Variants in ARHGAP26 observed in about 807,000 individuals in gnomAD.
ARHGAP26 encodes rho GTPase-activating protein 26.
ARHGAP26 carries 38 observed loss-of-function variants against 104.8 expected under a neutral mutation model. The ratio of observed to expected loss-of-function variants is 0.36; its 90% CI spans 0.28 to 0.48. The LOEUF (loss-of-function observed/expected upper bound fraction) is 0.48. ARHGAP26 is among the 20% of genes least tolerant of loss of function. ARHGAP26 has a pLI of 0.99. For missense variants in ARHGAP26, 704 were observed against 947.9 expected (o/e 0.74, Z 3.38); for synonymous variants, 341 against 340.0 (o/e 1.00, Z -0.03).
chr5:143,085,300 C>T (rs1187527472), intron 17 of ARHGAP26, among the ~76,000 whole-genome samples: 1 of 152,028 alleles, frequency 6.6e-6, no homozygotes, highest in Non-Finnish European at 1.5e-5. Context: ...GAGACATTCA[C>T]CAGTTAGTCT....
At chr5:143,126,607 G>T (rs1796754533) in intron 18 of ARHGAP26, among the ~76,000 whole-genome samples, 2 of 152,188 alleles carry the variant, frequency 1.3e-5, no homozygotes, top group Admixed American at 6.5e-5. Flanking sequence ...GCTTTGCTTG[G>T]AGGTTAGAGA....
chr5:142,872,719 C>T (rs1393478692), intron 1 of ARHGAP26, among the ~76,000 whole-genome samples: 1 of 152,120 alleles, frequency 6.6e-6, no homozygotes, highest in East Asian at 1.9e-4. Context: ...TACCCTAATA[C>T]AAAATGTTGC....
intron 1 of ARHGAP26, among the ~76,000 whole-genome samples, chr5:142,825,054 C>G (rs1008834833): frequency 6.6e-6 from 1 of 152,144 alleles, no homozygotes; most frequent in African/African-American, 2.4e-5. Context: ...GACCCCTCCC[C>G]TCTCCTTCAA....
intron 1 of ARHGAP26, among the ~76,000 whole-genome samples, chr5:142,864,854 G>C (rs1414169024): frequency 1.3e-5 from 2 of 152,236 alleles, no homozygotes; most frequent in Non-Finnish European, 2.9e-5. Flanking sequence ...CACACAGCTG[G>C]GAAGTGAGAG....
chr5:143,021,270 CA>C (rs781476384), intron 12 of ARHGAP26, among the ~76,000 whole-genome samples: 133 of 152,244 alleles, frequency 8.7e-4, no homozygotes, highest in Non-Finnish European at 1.6e-3. Context: ...TTAAAAATTA[CA>C]GACATTTTCT....
intron 10 of ARHGAP26, among the ~76,000 whole-genome samples, chr5:142,923,829 T>G (rs1361530750): frequency 2.6e-5 from 4 of 151,774 alleles, no homozygotes; most frequent in Admixed American, 2.6e-4. Context: ...TAATAGGTTA[T>G]GATTCATTCA....
At chr5:143,048,933 A>G (rs370808874) in intron 14 of ARHGAP26, among the ~76,000 whole-genome samples, 4 of 151,536 alleles carry the variant, frequency 2.6e-5, no homozygotes, top group African/African-American at 9.7e-5. Context: ...AAAAAAAAAA[A>G]AAACCTTACC....
chr5:142,786,553 C>T (rs1758669017), intron 1 of ARHGAP26, among the ~76,000 whole-genome samples: 1 of 152,076 alleles, frequency 6.6e-6, no homozygotes, highest in Non-Finnish European at 1.5e-5. Flanking sequence ...CCCACCTTAG[C>T]CTCCTGAGTA....
At chr5:142,790,252 C>T (rs963305672) in intron 1 of ARHGAP26, among the ~76,000 whole-genome samples, 3 of 152,072 alleles carry the variant, frequency 2.0e-5, no homozygotes, top group African/African-American at 4.8e-5. Context: ...TTATGTAGTC[C>T]GAGAACACTT....
intron 11 of ARHGAP26, among the ~76,000 whole-genome samples, chr5:143,012,576 T>TATATATA (rs1554195628): frequency 8.6e-4 from 49 of 56,922 alleles, no homozygotes; most frequent in Non-Finnish European, 1.9e-3. Flanking sequence ...TATATATATA[T>TATATATA]TATGATCAGG....
In ARHGAP26 at chr5:143,073,659, A is replaced by G. The variant is rs548712690; in HGVS notation, c.1538+15912A>G. Among the ~76,000 whole-genome samples, 3 of 152,324 alleles carry G rather than the reference A, an allele frequency of 2.0e-5. No individual in the cohort carries two copies. The South Asian group carries it at 6.2e-4, about 32-fold the overall frequency. ...GGCCTTCAGTTTCTTCATCTACAAA[A>G]TGAAAGGGATTACTTTTGTATTTAA... On this transcript the variant is annotated intron_variant, in intron 17 of 22. Transcript: ENST00000645722.
intron 17 of ARHGAP26, among the ~76,000 whole-genome samples, chr5:143,069,647 A>T (rs747320586): frequency 1.3e-5 from 2 of 152,222 alleles, no homozygotes; most frequent in Non-Finnish European, 2.9e-5. Flanking sequence ...ATCATTCAAA[A>T]GATGCCAAAC....
intron 20 of ARHGAP26, chr5:143,170,691 T>C (rs1286172321): frequency 6.6e-6 from 1 of 152,224 alleles, no homozygotes; most frequent in African/African-American, 2.4e-5. Flanking sequence ...ATTTTGCACA[T>C]GAGGCATAGA....
intron 18 of ARHGAP26, among the ~76,000 whole-genome samples, chr5:143,124,154 C>T (rs1163196515): frequency 1.3e-5 from 2 of 152,206 alleles, no homozygotes; most frequent in African/African-American, 4.8e-5. Context: ...CCCCCCATAG[C>T]GACTAGCACA....
At chr5:142,915,254 G>A (rs1211757245) in intron 10 of ARHGAP26, among the ~76,000 whole-genome samples, 1 of 152,076 alleles carries the variant, frequency 6.6e-6, no homozygotes, top group Admixed American at 6.6e-5. Context: ...ATACTGAGTG[G>A]GCTTGCGAGT....
chr5:142,874,085 A>G (rs1755722420), intron 2 of ARHGAP26, among the ~76,000 whole-genome samples: 1 of 152,136 alleles, frequency 6.6e-6, no homozygotes, highest in African/African-American at 2.4e-5. Flanking sequence ...GGAGCTCCGT[A>G]TCTGGTTCTC....
intron 10 of ARHGAP26, among the ~76,000 whole-genome samples, chr5:142,917,028 G>A (rs1446893850): frequency 6.8e-6 from 1 of 146,136 alleles, no homozygotes; most frequent in Admixed American, 6.9e-5. Context: ...GGTGCCTCAA[G>A]ACTTTGGAAT....
chr5:142,772,909 G>A (rs1755528208), intron 1 of ARHGAP26: 1 of 533,260 alleles, frequency 1.9e-6, no homozygotes, highest in African/African-American at 1.9e-5. Flanking sequence ...AGAATTCTTT[G>A]GTAGGAAGAA....
intron 19 of ARHGAP26, among the ~76,000 whole-genome samples, chr5:143,135,918 G>A (rs1038556087): frequency 2.0e-5 from 3 of 152,302 alleles, no homozygotes; most frequent in Admixed American, 6.5e-5. Context: ...GGGCCCCTGC[G>A]AGTGTACCAG....
Sources: allele counts gnomAD v4.1 joint callset (sites outside exome capture counted in the v4.1 genomes callset), GRCh38; gene constraint gnomAD v4.1.1; transcripts MANE v1.5; gene names NCBI Gene and HGNC (gene_info 2026-07-23, HGNC 2026-07-21).